The following ADRA1B variants were observed in gnomAD, a reference collection of about 807,000 sequenced individuals.
ADRA1B encodes the protein alpha-1B adrenergic receptor.
ADRA1B carries 17 observed loss-of-function variants against 17.9 expected under a neutral mutation model. The ratio of observed to expected loss-of-function variants is 0.95; its 90% confidence interval spans 0.65 to 1.42. ADRA1B has a LOEUF of 1.42. Ranked by LOEUF, ADRA1B falls within the 40% of genes most tolerant of loss-of-function variation. ADRA1B has a pLI of 0.00. For missense variants in ADRA1B, 681 were observed against 722.1 expected (o/e 0.94, Z 0.65); for synonymous variants, 366 against 327.6 (o/e 1.12, Z -1.27).
intron 1 of ADRA1B, among the ~76,000 whole-genome samples, chr5:159,931,810 G>A (rs879518987): frequency 6.6e-6 from 1 of 152,140 alleles, no homozygotes; most frequent in Non-Finnish European, 1.5e-5. Context: ...ACAGGCTCTC[G>A]AATGCCTCTT....
intron 1 of ADRA1B, chr5:159,869,802 CAG>C (rs1381359709): frequency 6.6e-6 from 1 of 152,184 alleles, no homozygotes; most frequent in Non-Finnish European, 1.5e-5. Context: ...GCTCCTGCTT[CAG>C]AGAGTTATTG....
intron 1 of ADRA1B, among the ~76,000 whole-genome samples, chr5:159,920,954 G>C (rs1754462449): frequency 6.6e-6 from 1 of 152,190 alleles, no homozygotes; most frequent in East Asian, 1.9e-4. Flanking sequence ...TCCAATTGGT[G>C]ATAGACTTTC....
Position 159,972,273 on chromosome 5 carries a change from G to A in ADRA1B, c.1344G>A (p.Lys448=), listed in dbSNP as rs1755889078. ...PVELCAFPEW[K]APGALLSLPA... ...AGCTGTGCGCCTTCCCCGAGTGGAA[G>A]GCGCCCGGCGCCCTCCTGAGCCTGC... The change falls in exon 2 of 2, where the codon AAG becomes AAA. Residue 448 remains lysine (K), a synonymous_variant. Transcript: ENST00000306675. The A allele has an allele frequency of 1.5e-6, 2 of 1,360,896 alleles. No homozygotes were observed. Among genetic ancestry groups the A allele is most frequent in the Non-Finnish European group, 1.9e-6 (2 of 1,059,092 alleles). 84.3% of individuals were successfully genotyped at this position (1,360,896 alleles called of 1,614,324 possible).
intron 1 of ADRA1B, among the ~76,000 whole-genome samples, chr5:159,939,333 G>GCGCA (rs1245673701): frequency 8.3e-6 from 1 of 120,492 alleles, no homozygotes; most frequent in African/African-American, 2.7e-5. Flanking sequence ...GCGCGCGCGC[G>GCGCA]CGCACACAAT....
intron 1 of ADRA1B, among the ~76,000 whole-genome samples, chr5:159,875,833 C>T (rs544456729): frequency 6.6e-6 from 1 of 152,284 alleles, no homozygotes; most frequent in African/African-American, 2.4e-5. Context: ...GAAGAGGTTT[C>T]CCTGATATAT....
chr5:159,877,522 C>G (rs532566743), intron 1 of ADRA1B, among the ~76,000 whole-genome samples: 1 of 151,794 alleles, frequency 6.6e-6, no homozygotes, highest in South Asian at 2.1e-4. Context: ...CTTCTAAACA[C>G]TTTCATATCT....
Sources: allele counts gnomAD v4.1 joint callset (sites outside exome capture counted in the v4.1 genomes callset), GRCh38; gene constraint gnomAD v4.1.1; transcripts MANE v1.5; gene names NCBI Gene and HGNC (gene_info 2026-07-23, HGNC 2026-07-21).